OXR1: variants seen among roughly 807,000 people sequenced by gnomAD.
OXR1 encodes the protein oxidation resistance protein 1.
In OXR1, 41 loss-of-function variants were observed where a neutral mutation model predicts 104.6. That is an observed-to-expected ratio of 0.39 (90% CI 0.31 to 0.51). The LOEUF (loss-of-function observed/expected upper bound fraction) is 0.51. Ranked by LOEUF, OXR1 falls within the 20% of genes least tolerant of loss-of-function variation. The pLI is 0.77. For synonymous variants in OXR1, 348 were observed against 348.4 expected (o/e 1.00, Z 0.01); for missense variants, 955 against 1,031.9 (o/e 0.93, Z 1.02).
At chr8:106,394,078 A>G (rs1391386692) in intron 2 of OXR1, among the ~76,000 whole-genome samples, 1 of 152,110 alleles carries the variant, frequency 6.6e-6, no homozygotes, top group African/African-American at 2.4e-5. Context: ...TAACTGTTGT[A>G]CAGATATACT....
chr8:106,349,633 T>C (rs745888625), intron 1 of OXR1, among the ~76,000 whole-genome samples: 2 of 152,110 alleles, frequency 1.3e-5, no homozygotes, highest in Non-Finnish European at 1.5e-5. Context: ...TCACATTAGA[T>C]AGAACTTTGA....
intron 3 of OXR1, among the ~76,000 whole-genome samples, chr8:106,583,316 A>G (rs186171848): frequency 1.8e-3 from 279 of 152,342 alleles, no homozygotes; most frequent in African/African-American, 6.5e-3. Flanking sequence ...TATGATTTTT[A>G]ACAAACACTT....
At chr8:106,370,926 A>T (rs922540501) in intron 2 of OXR1, among the ~76,000 whole-genome samples, 2 of 152,024 alleles carry the variant, frequency 1.3e-5, no homozygotes, top group African/African-American at 4.8e-5. Flanking sequence ...TGAGTTAGGG[A>T]AGAGTCCCTT....
chr8:106,330,832 A>C (rs894365047), intron 1 of OXR1, among the ~76,000 whole-genome samples: 11 of 152,158 alleles, frequency 7.2e-5, no homozygotes, highest in Non-Finnish European at 1.6e-4. Flanking sequence ...TCCGCAGTAA[A>C]ATACATTAGA....
At chr8:106,618,019 T>G in intron 3 of OXR1, 2 of 1,504,600 alleles carry the variant, frequency 1.3e-6, no homozygotes, top group South Asian at 1.3e-5. Flanking sequence ...CCACCAGGGG[T>G]CAGGGACCGG....
At chr8:106,634,824 G>A (rs1822998075) in intron 3 of OXR1, among the ~76,000 whole-genome samples, 1 of 150,514 alleles carries the variant, frequency 6.6e-6, no homozygotes. Context: ...TCTGTAACAA[G>A]CTCTTGGCAT....
chr8:106,740,426 A>T lies in OXR1; in HGVS notation c.2247A>T (p.Lys749Asn). The change falls in exon 14 of 17, where the codon AAA (lysine) becomes AAT (asparagine). Residue 749 changes from lysine (K) to asparagine (N), a missense_variant. Lys to Asn is a moderately conservative substitution (Grantham distance 94, BLOSUM62 0). This residue lies in a region of OXR1 where 106 missense variants were observed against 179.0 expected (regional missense o/e 0.59). Coordinates refer to ENST00000517566, the MANE Select transcript of OXR1 (RefSeq NM_001198533.2). ...CTGGAAAACATGGCACAAGCTTGAA[A>T]ACTCTTTATCGAACAATGACAGGTT... The part of the protein sequence containing the change: ...YGTGKHGTSL[K>N]TLYRTMTGLD... 1.2e-6 allele frequency: 2 copies of T among 1,613,336 alleles called. No individual in the cohort carries two copies. The highest frequency in any genetic ancestry group is 4.5e-5 in the East Asian group (2 of 44,806).
At chr8:106,487,667 G>C (rs1810778488) in intron 2 of OXR1, among the ~76,000 whole-genome samples, 2 of 147,810 alleles carry the variant, frequency 1.4e-5, no homozygotes, top group Non-Finnish European at 3.0e-5. Context: ...GTGAGAATAT[G>C]CGGTGTTTGG....
chr8:106,414,533 T>C (rs1237454367), intron 2 of OXR1, among the ~76,000 whole-genome samples: 3 of 152,150 alleles, frequency 2.0e-5, no homozygotes, highest in Non-Finnish European at 4.4e-5. Flanking sequence ...AAGCAGATAG[T>C]CTTCTTATCT....
chr8:106,550,555 A>C (rs1485418119), intron 3 of OXR1, among the ~76,000 whole-genome samples: 2 of 152,114 alleles, frequency 1.3e-5, no homozygotes, highest in South Asian at 2.1e-4. Context: ...GGGAGGGATG[A>C]GGTGGGAGGT....
chr8:106,461,131 G>A (rs569654484), intron 2 of OXR1, among the ~76,000 whole-genome samples: 8 of 152,086 alleles, frequency 5.3e-5, no homozygotes, highest in South Asian at 2.1e-4. Flanking sequence ...AGCAAATTAG[G>A]GCTAGTGGTT....
Position 106,751,426 on chromosome 8 carries a change from C to A in OXR1, c.*485C>A, listed in dbSNP as rs1361299139. ...ATCTTATTCTTAGGAAGGAAAAAAT[C>A]ACTTGCCAAAATAATACATACTTCA... On this transcript the variant is annotated 3_prime_UTR_variant, in exon 17 of 17. Coordinates refer to ENST00000517566, the MANE Select transcript of OXR1 (RefSeq NM_001198533.2). 1.3e-5 allele frequency: 2 copies of A among 152,620 alleles called. No individual in the cohort carries two copies. Among genetic ancestry groups the A allele is most frequent in the African/African-American group, 4.8e-5 (2 of 41,436 alleles). 9.5% of individuals were successfully genotyped at this position (152,620 alleles called of 1,614,324 possible).
At chr8:106,669,289 C>T (rs561245372) in intron 3 of OXR1, among the ~76,000 whole-genome samples, 1 of 151,998 alleles carries the variant, frequency 6.6e-6, no homozygotes, top group African/African-American at 2.4e-5. Flanking sequence ...GAAGATATTA[C>T]AATACATTGT....
intron 1 of OXR1, among the ~76,000 whole-genome samples, chr8:106,339,366 G>A (rs1479535352): frequency 6.6e-6 from 1 of 150,484 alleles, no homozygotes; most frequent in Non-Finnish European, 1.5e-5. Flanking sequence ...GTGGTGGCGA[G>A]CACCTGTAGT....
At chr8:106,514,706 A>T (rs1026941143) in intron 2 of OXR1, among the ~76,000 whole-genome samples, 1 of 152,130 alleles carries the variant, frequency 6.6e-6, no homozygotes, top group Non-Finnish European at 1.5e-5. Flanking sequence ...TATCAAATAT[A>T]AGCCATCATA....
chr8:106,671,963 TATAATAATAATAATAATAATA>T lies in OXR1; in HGVS notation c.221-7224_221-7204del, dbSNP rs200351866. ...TGCACATGTACCCTAGAACTTAAAG[TATAATAATAATAATAATAATA>T]ATAATAATAATAATAATAATAAAAG... On this transcript the variant is annotated intron_variant, in intron 3 of 16. Transcript: ENST00000517566. Among the ~76,000 whole-genome samples, 2 of 136,432 alleles carry T rather than the reference TATAATAATAATAATAATAATA, an allele frequency of 1.5e-5. 1 individual carries two copies. Among genetic ancestry groups the T allele is most frequent in the African/African-American group, 5.4e-5 (2 of 36,732 alleles). 89.5% of individuals were successfully genotyped at this position (136,432 alleles called of 152,430 possible). A position where few individuals can be genotyped will look rare whatever the true frequency, so the allele number is the denominator to read the frequency against.
intron 2 of OXR1, among the ~76,000 whole-genome samples, chr8:106,449,455 T>TA (rs1820196164): frequency 6.6e-6 from 1 of 152,208 alleles, no homozygotes; most frequent in Non-Finnish European, 1.5e-5. Context: ...TTGTTGAATG[T>TA]AGGCTACACA....
At chr8:106,612,124 T>C (rs938423572) in intron 3 of OXR1, among the ~76,000 whole-genome samples, 1 of 152,084 alleles carries the variant, frequency 6.6e-6, no homozygotes, top group Admixed American at 6.5e-5. Context: ...TGAGCTTTGC[T>C]TTTTCCCTTT....
chr8:106,654,809 T>C (rs1373623473), intron 3 of OXR1, among the ~76,000 whole-genome samples: 6 of 152,160 alleles, frequency 3.9e-5, no homozygotes. Context: ...GTTTCACTTC[T>C]ATGTATATAT....
Sources: gnomAD v4.1 joint callset for allele counts (sites outside exome capture counted in the v4.1 genomes callset) on GRCh38, gnomAD v4.1.1 for gene constraint, gnomAD v4.1.1 regional missense constraint, MANE v1.5 for transcripts, NCBI Gene and HGNC (gene_info 2026-07-23, HGNC 2026-07-21) for gene names.